Variants in MTMR10 observed in about 807,000 individuals in gnomAD.
MTMR10 encodes myotubularin-related protein 10.
MTMR10 carries 56 observed loss-of-function variants against 88.1 expected under a neutral mutation model. That is an observed-to-expected ratio of 0.64 (90% CI 0.51 to 0.79). The LOEUF (loss-of-function observed/expected upper bound fraction) is 0.79, where lower values mean the gene tolerates loss of function less well. Among genes scored for constraint, MTMR10 ranks in the 30% least tolerant of loss-of-function variants. The pLI, the probability that MTMR10 is intolerant of heterozygous loss-of-function variation, is 0.00. For synonymous variants in MTMR10, 380 were observed against 340.9 expected (o/e 1.11, Z -1.26); for missense variants, 883 against 924.7 (o/e 0.95, Z 0.58).
chr15:30,976,708 A>C lies in MTMR10; in HGVS notation c.258+111T>G, dbSNP rs573824498. 499 of 1,193,230 alleles carry C rather than the reference A, an allele frequency of 4.2e-4. 2 individuals are homozygous for C. The highest frequency in any genetic ancestry group is 5.1e-4 in the Non-Finnish European group (448 of 870,090). The allele number at this position is 1,193,230 out of a possible 1,614,324, so 73.9% of individuals were successfully genotyped here. ...TAATATAATTTATCCCAAACATTGC[A>C]TTACCTAATACTTCTACTATAACTT... is the stretch of plus-strand genomic sequence containing the variant. On this transcript the variant is annotated intron_variant, in intron 3 of 15. Transcript: ENST00000435680.
At chr15:30,983,299 TAG>T (rs1157829940) in intron 2 of MTMR10, among the ~76,000 whole-genome samples, 3 of 152,090 alleles carry the variant, frequency 2.0e-5, no homozygotes, top group Non-Finnish European at 4.4e-5. Context: ...CCTTCTAAAT[TAG>T]AGGATGATGA....
chr15:30,927,472 CAGAG>C, the MTMR10 span: 34 of 985,698 alleles, frequency 3.4e-5, no homozygotes, highest in Admixed American at 6.8e-4. Flanking sequence ...GAAGACAGGA[CAGAG>C]AGCAGCACAG....
Position 30,940,559 on chromosome 15 carries a change from C to T in MTMR10, c.*911G>A, listed in dbSNP as rs949923594. 4.7e-5 allele frequency: 46 copies of T among 985,374 alleles called. No homozygotes were observed. Among genetic ancestry groups the T allele is most frequent in the South Asian group, 1.9e-4 (4 of 21,276 alleles). 61.0% of individuals were successfully genotyped at this position (985,374 alleles called of 1,614,324 possible). ...GAAATACTGATGGCCAAGCCCAGCACGCCTCCCAGCAAGCCTTGTTTGTTT... is the reference window on the plus strand; with the variant it reads ...GAAATACTGATGGCCAAGCCCAGCATGCCTCCCAGCAAGCCTTGTTTGTTT... On this transcript the variant is annotated 3_prime_UTR_variant, in exon 16 of 16. Transcript: ENST00000435680.
At chr15:30,943,177 C>T in intron 14 of MTMR10, 105 bp from the exon 15 acceptor site, 3 of 1,444,018 alleles carry the variant, frequency 2.1e-6, no homozygotes, top group Non-Finnish European at 2.7e-6. Context: ...TTCTGTACTG[C>T]AGCCCTCAAA....
chr15:30,933,733 A>G, the MTMR10 span, among the ~76,000 whole-genome samples: 2 of 121,858 alleles, frequency 1.6e-5, no homozygotes, highest in Non-Finnish European at 3.6e-5. Flanking sequence ...ATCTCTGATT[A>G]TAATTGTGGT....
At position 30,941,595 on chromosome 15, in the gene MTMR10, A is replaced by G; in HGVS notation, c.2209T>C (p.Ser737Pro). 1 of 1,600,088 alleles carries G rather than the reference A, an allele frequency of 6.2e-7. No individual in the cohort carries two copies. The highest frequency in any genetic ancestry group is 8.5e-7 in the Non-Finnish European group (1 of 1,172,868). ...CCTACAGGAGAAAATGGAAATGAGG[A>G]GGAGAGAAACTCCGGTGTCCCCGAG... ...DTSGTPEFLS[S>P]SFPFSPVGNL... The change falls in exon 16 of 16, where the codon TCC becomes CCC. Residue 737 changes from serine to proline, a missense_variant. Physicochemically the swap from Ser to Pro is moderately conservative, Grantham distance 74. Transcript: ENST00000435680.
chr15:30,924,333 T>A, the MTMR10 span, among the ~76,000 whole-genome samples: 1 of 152,168 alleles, frequency 6.6e-6, no homozygotes, highest in Non-Finnish European at 1.5e-5. Context: ...TGGTTTCAAT[T>A]CTTTTGGGAA....
chr15:30,942,933 G>A lies in MTMR10; in HGVS notation c.1688C>T (p.Pro563Leu). ...HNPFYIGKST[P>L]CIQNGSVKSF... ...CTTCACGGAGCCATTCTGTATACAA[G>A]GTGTGCTCTTTCCAATGTAGAAGGG... Residue 563 changes from proline to leucine, a missense_variant, in exon 15 of 16, where the codon CCT becomes CTT. Coordinates refer to ENST00000435680, the MANE Select transcript of MTMR10 (RefSeq NM_017762.3). 6.4e-7 allele frequency: 1 copy of A among 1,567,868 alleles called. No homozygotes were observed. Among genetic ancestry groups the A allele is most frequent in the Non-Finnish European group, 8.7e-7 (1 of 1,154,066 alleles).
the MTMR10 span, chr15:30,925,803 C>T: frequency 6.2e-7 from 1 of 1,614,134 alleles, no homozygotes; most frequent in African/African-American, 1.3e-5. Flanking sequence ...CCATCACAGG[C>T]AGGCTGTGCC....
chr15:30,928,966 G>A, the MTMR10 span, among the ~76,000 whole-genome samples: 1 of 152,266 alleles, frequency 6.6e-6, no homozygotes, highest in South Asian at 2.1e-4. Context: ...TCACAGACAT[G>A]GGCACATCTG....
Position 30,968,534 on chromosome 15 carries a change from A to AACACACACACACACACAC in MTMR10, c.475-542_475-525dup, listed in dbSNP as rs61503155. Among the ~76,000 whole-genome samples, 441 of 143,154 alleles carry AACACACACACACACACAC rather than the reference A, an allele frequency of 3.1e-3. 3 individuals are homozygous for AACACACACACACACACAC. Among genetic ancestry groups the AACACACACACACACACAC allele is most frequent in the African/African-American group, 0.01 (384 of 37,478 alleles). The allele number at this position is 143,154 out of a possible 152,430, so 93.9% of individuals were successfully genotyped here. ...GCTCAAAGAGGTACATCAAAAAAAC[A>AACACACACACACACACAC]ACACACACACACACACACACACACA... On this transcript the variant is annotated intron_variant, in intron 5 of 15. Coordinates refer to ENST00000435680, the MANE Select transcript of MTMR10 (RefSeq NM_017762.3).
At chr15:30,928,510 G>GTGTA in the MTMR10 span, 1 of 1,453,874 alleles carries the variant, frequency 6.9e-7, no homozygotes, top group Non-Finnish European at 9.5e-7. Context: ...CAGATTTTGT[G>GTGTA]TGTGTGTGTG....
chr15:30,963,754 G>A (rs2955783), intron 6 of MTMR10, among the ~76,000 whole-genome samples: 63,880 of 151,956 alleles, frequency 0.42, 14,676 homozygotes, highest in East Asian at 0.85. Flanking sequence ...CTTCTCTGGA[G>A]TAACACAACT....
At chr15:30,930,885 C>T in the MTMR10 span, among the ~76,000 whole-genome samples, 3 of 152,174 alleles carry the variant, frequency 2.0e-5, no homozygotes, top group African/African-American at 7.2e-5. Flanking sequence ...CAAGACAGAG[C>T]TCCATCTCTT....
rs1173514760 is a variant in MTMR10, at chr15:30,946,814, T to C, written c.1548+316A>G. 5.8e-6 allele frequency: 4 copies of C among 695,106 alleles called. No individual in the cohort carries two copies. In the Admixed American group the frequency reaches 8.4e-5, roughly 15 times the overall value. 43.1% of individuals were successfully genotyped at this position (695,106 alleles called of 1,614,324 possible). A position where few individuals can be genotyped will look rare whatever the true frequency, so the allele number is the denominator to read the frequency against. ...AAATGTCGTGTAACAGGGCTTTTGT[T>C]TTTTACTACCCAATAGCCCAAATGT... On this transcript the variant is annotated intron_variant, in intron 14 of 15. Coordinates refer to ENST00000435680, the MANE Select transcript of MTMR10 (RefSeq NM_017762.3).
chr15:30,920,503 T>G, the MTMR10 span: 1 of 1,279,354 alleles, frequency 7.8e-7, no homozygotes, highest in Non-Finnish European at 1.1e-6. Context: ...TTATAATAAA[T>G]TAACCAAATT....
At chr15:30,983,864 C>G (rs1453806125) in intron 2 of MTMR10, among the ~76,000 whole-genome samples, 1 of 152,184 alleles carries the variant, frequency 6.6e-6, no homozygotes, top group Non-Finnish European at 1.5e-5. Context: ...ATCTTTAATG[C>G]TGGTACTAAC....
the MTMR10 span, chr15:30,927,190 CAG>C: frequency 2.1e-6 from 2 of 972,864 alleles, no homozygotes; most frequent in Non-Finnish European, 2.4e-6. Flanking sequence ...GTCTGGGTGA[CAG>C]AGTGAGACCC....
At chr15:30,922,333 G>C in the MTMR10 span, 5 of 1,613,000 alleles carry the variant, frequency 3.1e-6, no homozygotes, top group African/African-American at 6.7e-5. Context: ...ATTTACACCA[G>C]CACTTGAAGC....
Sources: gnomAD v4.1 joint callset for allele counts (sites outside exome capture counted in the v4.1 genomes callset) on GRCh38, gnomAD v4.1.1 for gene constraint, MANE v1.5 for transcripts, NCBI Gene and HGNC (gene_info 2026-07-23, HGNC 2026-07-21) for gene names.